The following R3HDML variants were observed in gnomAD, a reference collection of about 807,000 sequenced individuals.
R3HDML encodes R3H domain containing like.
In R3HDML, 21 loss-of-function variants were observed where a neutral mutation model predicts 24.2. The observed-to-expected ratio is 0.87, with a 90% confidence interval of 0.62 to 1.25. The LOEUF is 1.25. R3HDML is among the 50% of genes most tolerant of loss of function. The probability of loss-of-function intolerance (pLI) is 0.00; values close to 1 mark genes in which losing one functional copy is unlikely to be tolerated. For missense variants in R3HDML, 301 were observed against 340.3 expected, an observed-to-expected ratio of 0.88 and a Z score of 0.91; for synonymous variants, 133 against 131.5, an observed-to-expected ratio of 1.01 and a Z score of -0.08.
intron 2 of R3HDML, among the ~76,000 whole-genome samples, chr20:44,341,542 A>G (rs1166368442): frequency 6.6e-6 from 1 of 152,064 alleles, no homozygotes; most frequent in Non-Finnish European, 1.5e-5. Context: ...AGAACAAACA[A>G]GTGCACAGAT....
rs553171180 is a variant in R3HDML, at chr20:44,344,125, CAAA to C, written c.513+620_513+622del. On this transcript the variant is annotated intron_variant, in intron 3 of 4. Transcript: ENST00000217043. Reference sequence around the variant, plus strand: ...TGAGACCCCGTCTCTACTGAAAATACAAAAAATTAGCCAGGCTTGGTGGCATGT... The same window carrying C: ...TGAGACCCCGTCTCTACTGAAAATACAAATTAGCCAGGCTTGGTGGCATGT... Among the ~76,000 whole-genome samples, 353 of 152,150 alleles carry C rather than the reference CAAA, an allele frequency of 2.3e-3. 2 individuals carry two copies. Among genetic ancestry groups the C allele is most frequent in the African/African-American group, 7.7e-3 (321 of 41,508 alleles).
Position 44,345,348 on chromosome 20 carries a change from C to A in R3HDML, c.599C>A (p.Ala200Glu), listed in dbSNP as rs1242284163. The change falls in exon 4 of 5, where the codon GCG (alanine) becomes GAG (glutamate). Residue 200 changes from alanine to glutamate, a missense_variant. Physicochemically the swap from Ala to Glu is moderately radical, Grantham distance 107. Coordinates refer to ENST00000217043, the MANE Select transcript of R3HDML (RefSeq NM_178491.4). ...ISVWGNTWHR[A>E]AYLVCNYAIK... ...GTCTGGGGCAACACCTGGCATCGGG[C>A]GGCATACCTGGTCTGCAACTATGCC... 2 of 1,613,834 alleles carry A rather than the reference C, an allele frequency of 1.2e-6. No individual in the cohort carries two copies. The highest frequency in any genetic ancestry group is 1.1e-5 in the South Asian group (1 of 91,036).
In R3HDML at chr20:44,341,213, G is replaced by A; in HGVS notation, c.279G>A (p.Leu93=). 1 of 1,613,564 alleles carries A rather than the reference G, an allele frequency of 6.2e-7. No homozygotes were observed. Among genetic ancestry groups the A allele is most frequent in the South Asian group, 1.1e-5 (1 of 91,038 alleles). The change falls in exon 2 of 5, where the codon CTG becomes CTA. Residue 93 remains leucine (L), a synonymous_variant. Coordinates refer to ENST00000217043, the MANE Select transcript of R3HDML (RefSeq NM_178491.4). ...NMEYMVWDKR[L]ARAAEAWATQ... Reference sequence around the variant, plus strand: ...TTCCCCAGGTCTGGGACAAGCGGCTGGCCAGGGCTGCCGAAGCCTGGGCCA... The same window carrying A: ...TTCCCCAGGTCTGGGACAAGCGGCTAGCCAGGGCTGCCGAAGCCTGGGCCA...
At position 44,337,520 on chromosome 20, in the gene R3HDML, A is replaced by G. The variant is rs2062761211; in HGVS notation, c.261+102A>G. On this transcript the variant is annotated intron_variant, in intron 1 of 4. Transcript: ENST00000217043. The surrounding 1 kb of genome is among the most constrained non-coding windows in gnomAD (Gnocchi z 4.7). ...ATGACTGGCTTTGAAGAGCTGGACCACTTGCCTGCCTGGCCCCACTAGCCA... is the reference window on the plus strand; with the variant it reads ...ATGACTGGCTTTGAAGAGCTGGACCGCTTGCCTGCCTGGCCCCACTAGCCA... 1 of 1,324,842 alleles carries G rather than the reference A, an allele frequency of 7.5e-7. No homozygotes were observed. Among genetic ancestry groups the G allele is most frequent in the Non-Finnish European group, 1.0e-6 (1 of 956,434 alleles). The allele number at this position is 1,324,842 out of a possible 1,614,324, so 82.1% of individuals were successfully genotyped here. A position where few individuals can be genotyped will look rare whatever the true frequency, so the allele number is the denominator to read the frequency against.
intron 2 of R3HDML, 125 bp from the exon 3 acceptor site, chr20:44,343,252 C>A: frequency 1.6e-6 from 2 of 1,234,124 alleles, no homozygotes; most frequent in Non-Finnish European, 1.2e-6. Flanking sequence ...CCCTCATGCT[C>A]ACAGATAGGA....
rs778804041 is a variant in R3HDML at position 44,350,661 on chromosome 20, G to A, written c.631G>A (p.Gly211Ser). The A allele has an allele frequency of 1.2e-6, 2 of 1,612,662 alleles. No individual in the cohort carries two copies. Among genetic ancestry groups the A allele is most frequent in the South Asian group, 1.1e-5 (1 of 90,856 alleles). Reference protein sequence around the residue: ...AYLVCNYAIKGNWIGESPYKM... With the variant: ...AYLVCNYAIKSNWIGESPYKM... ...TCCCTGGGTCCTTTTCTCTTCCAGG[G>A]GCAACTGGATTGGCGAGTCCCCGTA... Residue 211 changes from glycine to serine, a missense_variant and splice_region_variant, in exon 5 of 5, where the codon GGC becomes AGC. Gly to Ser is a moderately conservative substitution (Grantham distance 56). Coordinates refer to ENST00000217043, the MANE Select transcript of R3HDML (RefSeq NM_178491.4).
intron 2 of R3HDML, among the ~76,000 whole-genome samples, chr20:44,342,750 G>A (rs1017900389): frequency 1.3e-5 from 2 of 152,102 alleles, no homozygotes; most frequent in African/African-American, 4.8e-5. Flanking sequence ...TCAGGAGTTC[G>A]AGACCAGCCT....
rs141709514 is a variant in R3HDML, at chr20:44,350,489, A to AAAATAAATAAATAAAT, written c.630-163_630-148dup. 1,082 of 542,594 alleles carry AAAATAAATAAATAAAT rather than the reference A, an allele frequency of 2.0e-3. 21 individuals carry two copies. The African/African-American group carries it at 0.02, about 10-fold the overall frequency. The allele number at this position is 542,594 out of a possible 1,614,324, so 33.6% of individuals were successfully genotyped here. ...TGAGCTATGGGTGACAGAGCAAAAC[A>AAAATAAATAAATAAAT]AAATAAATAAATAAATAAATAAAGG... is the stretch of plus-strand genomic sequence containing the variant. On this transcript the variant is annotated intron_variant, in intron 4 of 4. Coordinates refer to ENST00000217043, the MANE Select transcript of R3HDML (RefSeq NM_178491.4).
chr20:44,350,975 T>A lies in R3HDML; in HGVS notation c.*183T>A. 2 of 587,814 alleles carry A rather than the reference T, an allele frequency of 3.4e-6. No homozygotes were observed. Among genetic ancestry groups the A allele is most frequent in the Non-Finnish European group, 5.7e-6 (2 of 349,980 alleles). The allele number at this position is 587,814 out of a possible 1,614,324, so 36.4% of individuals were successfully genotyped here. On this transcript the variant is annotated 3_prime_UTR_variant, in exon 5 of 5. Coordinates refer to ENST00000217043, the MANE Select transcript of R3HDML (RefSeq NM_178491.4). ...CATGGGTCAAAAGAAAATGACCTCC[T>A]TGCCTTCCTTCTTTCCTAGTTGCAT...
intron 3 of R3HDML, chr20:44,344,828 G>A: frequency 6.3e-6 from 1 of 158,128 alleles, no homozygotes; most frequent in Non-Finnish European, 1.4e-5. Flanking sequence ...AAAAAAAAAA[G>A]AAAATATATT....
At chr20:44,348,351 G>A (rs1381356905) in intron 4 of R3HDML, among the ~76,000 whole-genome samples, 2 of 152,168 alleles carry the variant, frequency 1.3e-5, no homozygotes, top group African/African-American at 4.8e-5. Context: ...CCTCTGCAAT[G>A]CATCTACTAA....
intron 2 of R3HDML, among the ~76,000 whole-genome samples, chr20:44,342,886 A>C (rs930448416): frequency 5.9e-5 from 9 of 152,276 alleles, no homozygotes; most frequent in Non-Finnish European, 1.0e-4. Context: ...CCCAGAAGGC[A>C]GAAGCTGTAG....
chr20:44,341,845 A>C (rs2146109509), intron 2 of R3HDML, among the ~76,000 whole-genome samples: 1 of 152,312 alleles, frequency 6.6e-6, no homozygotes, highest in South Asian at 2.1e-4. Flanking sequence ...AGGTTGCGCC[A>C]CTGCACTCTA....
At position 44,343,440 on chromosome 20, in the gene R3HDML, G is replaced by C. The variant is rs144256166; in HGVS notation, c.444G>C (p.Pro148=). The C allele has an allele frequency of 3.1e-6, 5 of 1,613,034 alleles. No individual in the cohort carries two copies. Among genetic ancestry groups the C allele is most frequent in the Non-Finnish European group, 3.4e-6 (4 of 1,179,582 alleles). Reference sequence around the variant, plus strand: ...AGGAGAAGTGGCATTACTTGTTTCCGGCCCCAAGGGACTGTAACCCACACT... The same window carrying C: ...AGGAGAAGTGGCATTACTTGTTTCCCGCCCCAAGGGACTGTAACCCACACT... ...WSEEKWHYLF[P]APRDCNPHCP... The change falls in exon 3 of 5, where the codon CCG becomes CCC. Residue 148 remains proline (P), a synonymous_variant. Transcript: ENST00000217043.
intron 4 of R3HDML, among the ~76,000 whole-genome samples, chr20:44,348,701 C>T (rs759799876): frequency 1.3e-5 from 2 of 151,496 alleles, no homozygotes; most frequent in East Asian, 2.0e-4. Context: ...TTTGTAGAGA[C>T]GGGGGTCTCG....
At chr20:44,348,482 C>CCTTTCCTTTCCTTTCCTT (rs373380291) in intron 4 of R3HDML, among the ~76,000 whole-genome samples, 3 of 135,132 alleles carry the variant, frequency 2.2e-5, no homozygotes, top group African/African-American at 8.3e-5. Context: ...TTTTCCCTTT[C>CCTTTCCTTTCCTTTCCTT]TCCTTTCCTT....
intron 2 of R3HDML, among the ~76,000 whole-genome samples, chr20:44,342,364 C>T (rs115357331): frequency 5.3e-5 from 8 of 152,206 alleles, no homozygotes; most frequent in African/African-American, 1.9e-4. Flanking sequence ...ACAACCAGCA[C>T]CAGCCTCTGA....
At position 44,337,561 on chromosome 20, in the gene R3HDML, C is replaced by A; in HGVS notation, c.261+143C>A. ...CCACTAGCCAGTATCTGGGTGTCGA[C>A]CTGTGGAAAGGGCAGGAGTTAATCT... On this transcript the variant is annotated intron_variant, in intron 1 of 4. Coordinates refer to ENST00000217043, the MANE Select transcript of R3HDML (RefSeq NM_178491.4). This position sits in a 1 kb window ranked among gnomAD's most constrained non-coding sequence, Gnocchi z 4.7. The A allele has an allele frequency of 1.1e-6, 1 of 886,330 alleles. No homozygotes were observed. The highest frequency in any genetic ancestry group is 1.7e-6 in the Non-Finnish European group (1 of 584,160). 54.9% of individuals were successfully genotyped at this position (886,330 alleles called of 1,614,324 possible).
chr20:44,341,052 A>C, intron 1 of R3HDML, 144 bp from the exon 2 acceptor site: 1 of 647,998 alleles, frequency 1.5e-6, no homozygotes, highest in Non-Finnish European at 2.7e-6. Context: ...GCTGAGCCTC[A>C]GTCTTCTACT....
Sources: allele counts gnomAD v4.1 joint callset (sites outside exome capture counted in the v4.1 genomes callset), GRCh38; gene constraint gnomAD v4.1.1; non-coding constraint Gnocchi (gnomAD v3.1); transcripts MANE v1.5; gene names NCBI Gene and HGNC (gene_info 2026-07-23, HGNC 2026-07-21).